TTLL11: variants seen among roughly 807,000 people sequenced by gnomAD.
TTLL11 encodes tubulin polyglutamylase TTLL11.
In TTLL11, 42 loss-of-function variants were observed where a neutral mutation model predicts 51.7. That is an observed-to-expected ratio of 0.81 (90% CI 0.64 to 1.05). TTLL11 has a LOEUF of 1.05. TTLL11 is among the 50% of genes least tolerant of loss of function. TTLL11 has a pLI of 0.00. For synonymous variants in TTLL11, 381 were observed against 383.5 expected, an observed-to-expected ratio of 0.99 and a Z score of 0.08; for missense variants, 799 against 940.4, an observed-to-expected ratio of 0.85 and a Z score of 1.97.
At chr9:121,899,295 C>T (rs1388182691) in intron 6 of TTLL11, among the ~76,000 whole-genome samples, 2 of 151,708 alleles carry the variant, frequency 1.3e-5, no homozygotes, top group Non-Finnish European at 2.9e-5. Context: ...ATGCACTTCT[C>T]TGCTTTATTT....
chr9:122,088,293 A>T (rs1163006523), intron 1 of TTLL11, among the ~76,000 whole-genome samples: 2 of 152,170 alleles, frequency 1.3e-5, no homozygotes, highest in Non-Finnish European at 2.9e-5. Flanking sequence ...AACATCCTTG[A>T]ATCACTCACC....
intron 6 of TTLL11, among the ~76,000 whole-genome samples, chr9:121,951,960 G>T (rs1159632382): frequency 6.6e-6 from 1 of 152,230 alleles, no homozygotes; most frequent in Non-Finnish European, 1.5e-5. Flanking sequence ...TGGTGGGAGT[G>T]TAGCAGTGAG....
chr9:122,064,472 T>C (rs1042239812), intron 1 of TTLL11, among the ~76,000 whole-genome samples: 3 of 152,364 alleles, frequency 2.0e-5, no homozygotes, highest in South Asian at 2.1e-4. Flanking sequence ...ATTTATTAGA[T>C]GTCTACTGTA....
At chr9:122,050,240 A>G (rs944261301) in intron 1 of TTLL11, among the ~76,000 whole-genome samples, 2 of 152,318 alleles carry the variant, frequency 1.3e-5, no homozygotes, top group African/African-American at 4.8e-5. Context: ...ATATGAGACA[A>G]GTTATTATTT....
chr9:121,930,077 G>A (rs1033783800), intron 6 of TTLL11, among the ~76,000 whole-genome samples: 2 of 152,162 alleles, frequency 1.3e-5, no homozygotes, highest in South Asian at 2.1e-4. Flanking sequence ...AGACTCTCCC[G>A]AAATTTGAGA....
chr9:121,974,733 G>C (rs1842656745), intron 5 of TTLL11, 151 bp downstream of exon 5: 4 of 656,640 alleles, frequency 6.1e-6, no homozygotes, highest in Non-Finnish European at 1.0e-5. Flanking sequence ...TCTATGTTGA[G>C]AACTCAACAA....
intron 8 of TTLL11, among the ~76,000 whole-genome samples, chr9:121,834,848 T>C (rs566739602): frequency 1.5e-4 from 23 of 149,814 alleles, no homozygotes; most frequent in Admixed American, 1.3e-3. Flanking sequence ...AAAAAAATAG[T>C]GGCACAAGTG....
chr9:122,068,479 T>C (rs950924604), intron 1 of TTLL11, among the ~76,000 whole-genome samples: 1 of 152,210 alleles, frequency 6.6e-6, no homozygotes, highest in African/African-American at 2.4e-5. Context: ...TTAATAGTAA[T>C]AGTTATATTG....
intron 4 of TTLL11, among the ~76,000 whole-genome samples, chr9:121,976,856 C>T (rs1842724436): frequency 6.6e-6 from 1 of 152,114 alleles, no homozygotes; most frequent in Non-Finnish European, 1.5e-5. Flanking sequence ...TATAGATCTG[C>T]TTAATAATAC....
intron 6 of TTLL11, among the ~76,000 whole-genome samples, chr9:121,914,678 G>T (rs115283235): frequency 0.013 from 1,976 of 152,224 alleles, 49 homozygotes; most frequent in African/African-American, 0.044. Flanking sequence ...ATGTCATGCG[G>T]CCCCCTCCAT....
intron 6 of TTLL11, among the ~76,000 whole-genome samples, chr9:121,939,836 A>G (rs1184597580): frequency 6.6e-6 from 1 of 152,168 alleles, no homozygotes; most frequent in African/African-American, 2.4e-5. Flanking sequence ...TCCGCGATGC[A>G]GTGACGGCTC....
intron 3 of TTLL11, among the ~76,000 whole-genome samples, chr9:122,003,749 C>T (rs1170177478): frequency 4.6e-5 from 7 of 150,594 alleles, no homozygotes; most frequent in African/African-American, 1.5e-4. Flanking sequence ...CCTCCCAAAG[C>T]GCTGGGATTA....
At chr9:121,915,330 G>A (rs1413303601) in intron 6 of TTLL11, among the ~76,000 whole-genome samples, 1 of 152,178 alleles carries the variant, frequency 6.6e-6, no homozygotes, top group African/African-American at 2.4e-5. Flanking sequence ...TTTGACATAC[G>A]AAAGTGCCAT....
chr9:122,075,547 G>A (rs1845839028), intron 1 of TTLL11, among the ~76,000 whole-genome samples: 1 of 152,184 alleles, frequency 6.6e-6, no homozygotes, highest in Non-Finnish European at 1.5e-5. Flanking sequence ...TCTAAACACA[G>A]AGCATTTTTC....
intron 3 of TTLL11, among the ~76,000 whole-genome samples, chr9:122,002,944 C>CAAAAAAAAAAAA (rs547408355): frequency 1.6e-4 from 10 of 61,240 alleles, no homozygotes; most frequent in Admixed American, 8.7e-4. Context: ...GACTCTGTCT[C>CAAAAAAAAAAAA]AAAAAAAAAA....
intron 4 of TTLL11, among the ~76,000 whole-genome samples, chr9:121,982,199 G>C (rs1269976300): frequency 6.6e-6 from 1 of 152,190 alleles, no homozygotes; most frequent in African/African-American, 2.4e-5. Context: ...GAAAAGCTGA[G>C]GCAACCATAA....
intron 4 of TTLL11, among the ~76,000 whole-genome samples, chr9:121,977,216 G>T (rs190054077): frequency 6.6e-6 from 1 of 152,272 alleles, no homozygotes; most frequent in East Asian, 1.9e-4. Context: ...TGAATATGCT[G>T]GGTCTTGTAT....
intron 3 of TTLL11, among the ~76,000 whole-genome samples, chr9:122,009,396 T>A (rs963913900): frequency 6.6e-6 from 1 of 152,118 alleles, no homozygotes; most frequent in Admixed American, 6.5e-5. Context: ...TATTAAAATT[T>A]AAAAAATTTT....
rs543179963 is a variant in TTLL11 at position 121,909,770 on chromosome 9, G to A, written c.1482-39022C>T. On this transcript the variant is annotated intron_variant, in intron 6 of 8. Coordinates refer to ENST00000321582, the MANE Select transcript of TTLL11 (RefSeq NM_001139442.2). ...AGTGAGGGCCGGGCACTCAGCTCCC[G>A]CAGAGCATTCTGGGCAGGTTTCTAA... is the stretch of plus-strand genomic sequence containing the variant. Among the ~76,000 whole-genome samples, 10 of 152,298 alleles carry A rather than the reference G, an allele frequency of 6.6e-5. No individual in the cohort carries two copies. In the East Asian group the frequency reaches 9.7e-4, roughly 15 times the overall value.
Sources: gnomAD v4.1 joint callset for allele counts (sites outside exome capture counted in the v4.1 genomes callset) on GRCh38, gnomAD v4.1.1 for gene constraint, MANE v1.5 for transcripts, NCBI Gene and HGNC (gene_info 2026-07-23, HGNC 2026-07-21) for gene names.